PPP6R3: variants seen among roughly 807,000 people sequenced by gnomAD.
PPP6R3 encodes the protein serine/threonine-protein phosphatase 6 regulatory subunit 3.
A neutral mutation model predicts 110.7 loss-of-function variants in PPP6R3; 38 were observed. The observed-to-expected ratio is 0.34, with a 90% confidence interval of 0.26 to 0.45. The LOEUF is 0.45. Among genes scored for constraint, PPP6R3 ranks in the 20% least tolerant of loss-of-function variants. The pLI is 1.00. For missense variants in PPP6R3, 870 were observed against 1,062.4 expected, an observed-to-expected ratio of 0.82 and a Z score of 2.52; for synonymous variants, 369 against 373.5, an observed-to-expected ratio of 0.99 and a Z score of 0.14.
chr11:68,560,754 A>G (rs1388025316), intron 8 of PPP6R3, among the ~76,000 whole-genome samples: 2 of 152,134 alleles, frequency 1.3e-5, no homozygotes, highest in African/African-American at 4.8e-5. Flanking sequence ...GTTCCTCTGT[A>G]TCTGCTGAGG....
intron 14 of PPP6R3, among the ~76,000 whole-genome samples, chr11:68,581,895 A>T (rs113827215): frequency 0.01 from 1,571 of 152,360 alleles, 12 homozygotes; most frequent in African/African-American, 0.013. Context: ...ACACTGGGTT[A>T]TCACAGCTTA....
intron 8 of PPP6R3, among the ~76,000 whole-genome samples, chr11:68,563,535 A>C (rs1449012761): frequency 6.6e-6 from 1 of 152,212 alleles, no homozygotes; most frequent in Admixed American, 6.5e-5. Context: ...TGCAGGCCCT[A>C]CGTATTAGAA....
chr11:68,502,639 C>G (rs941585846), intron 1 of PPP6R3, among the ~76,000 whole-genome samples: 1 of 152,124 alleles, frequency 6.6e-6, no homozygotes, highest in African/African-American at 2.4e-5. Flanking sequence ...TAAGGCGGAA[C>G]TGACAATGTT....
chr11:68,483,079 C>T (rs1194654123), intron 1 of PPP6R3, among the ~76,000 whole-genome samples: 1 of 151,994 alleles, frequency 6.6e-6, no homozygotes, highest in East Asian at 1.9e-4. Flanking sequence ...TCTTAGAAGC[C>T]TTTAGAATTA....
At chr11:68,528,443 G>T (rs978664569) in intron 2 of PPP6R3, among the ~76,000 whole-genome samples, 10 of 136,850 alleles carry the variant, frequency 7.3e-5, no homozygotes, top group South Asian at 2.5e-4. Flanking sequence ...TGGGGGGGGG[G>T]GCTGCACCTT....
intron 1 of PPP6R3, among the ~76,000 whole-genome samples, chr11:68,469,585 C>T (rs897193403): frequency 6.6e-6 from 1 of 151,474 alleles, no homozygotes; most frequent in African/African-American, 2.4e-5. Context: ...TCCGATGTTG[C>T]CCAGGCTGGT....
chr11:68,609,883 C>A lies in PPP6R3; in HGVS notation c.2451-21C>A, dbSNP rs766304770. 6 of 1,613,566 alleles carry A rather than the reference C, an allele frequency of 3.7e-6. No individual in the cohort carries two copies. The East Asian group carries it at 1.3e-4, about 36-fold the overall frequency. On this transcript the variant is annotated intron_variant, in intron 22 of 23. Coordinates refer to ENST00000393800, the MANE Select transcript of PPP6R3 (RefSeq NM_001164161.2). ...CTGGTCCCTAGGGTGTTTGATGTGC[C>A]TGTCATCCTCTTTACTGCAGTGAGG...
chr11:68,552,233 C>A (rs572443202), intron 6 of PPP6R3, among the ~76,000 whole-genome samples: 1 of 152,152 alleles, frequency 6.6e-6, no homozygotes, highest in Non-Finnish European at 1.5e-5. Context: ...CAAAGTTTGT[C>A]CTGAAGCTGG....
chr11:68,603,595 C>G, intron 22 of PPP6R3, 103 bp downstream of exon 22: 1 of 1,361,196 alleles, frequency 7.3e-7, no homozygotes, highest in Non-Finnish European at 1.0e-6. Flanking sequence ...AATGAATGTT[C>G]AGATACTAGC....
chr11:68,570,178 T>C (rs1478220740), intron 11 of PPP6R3, among the ~76,000 whole-genome samples: 1 of 152,248 alleles, frequency 6.6e-6, no homozygotes, highest in East Asian at 1.9e-4. Flanking sequence ...CTTTGATGAT[T>C]TGAAGAATCA....
At chr11:68,491,479 G>A (rs1174872133) in intron 1 of PPP6R3, among the ~76,000 whole-genome samples, 2 of 151,806 alleles carry the variant, frequency 1.3e-5, no homozygotes, top group Admixed American at 6.6e-5. Context: ...GAGTAGCTAG[G>A]ACTACAGTCA....
intron 3 of PPP6R3, among the ~76,000 whole-genome samples, chr11:68,539,833 G>A (rs1033359419): frequency 3.3e-5 from 5 of 152,210 alleles, no homozygotes; most frequent in African/African-American, 1.2e-4. Context: ...GAAGGTGGTG[G>A]GGTGGGCAGA....
chr11:68,567,712 C>G (rs943349999), intron 10 of PPP6R3, among the ~76,000 whole-genome samples: 2 of 152,154 alleles, frequency 1.3e-5, no homozygotes, highest in Non-Finnish European at 2.9e-5. Flanking sequence ...ATAGGCCCAG[C>G]TCTGGAGCCC....
At chr11:68,532,026 G>A (rs1343077328) in intron 2 of PPP6R3, among the ~76,000 whole-genome samples, 2 of 152,216 alleles carry the variant, frequency 1.3e-5, no homozygotes, top group African/African-American at 4.8e-5. Context: ...AAATTTTACA[G>A]ATAGACTGAT....
At chr11:68,603,644 C>G (rs1163698257) in intron 22 of PPP6R3, 152 bp downstream of exon 22, 1 of 997,286 alleles carries the variant, frequency 1.0e-6, no homozygotes, top group African/African-American at 1.6e-5. Context: ...CACAATAAAT[C>G]TTAATGAAGA....
chr11:68,521,939 T>C (rs1483508150), intron 2 of PPP6R3, among the ~76,000 whole-genome samples: 1 of 152,190 alleles, frequency 6.6e-6, no homozygotes, highest in African/African-American at 2.4e-5. Context: ...GTACATGTAA[T>C]CTATTAATAT....
At chr11:68,543,853 A>G (rs2099331921) in intron 3 of PPP6R3, among the ~76,000 whole-genome samples, 1 of 152,120 alleles carries the variant, frequency 6.6e-6, no homozygotes, top group African/African-American at 2.4e-5. Context: ...TCATAGTAGG[A>G]GTAAGTGGAG....
chr11:68,593,445 A>C (rs1180046212), intron 18 of PPP6R3, among the ~76,000 whole-genome samples: 1 of 152,166 alleles, frequency 6.6e-6, no homozygotes, highest in Non-Finnish European at 1.5e-5. Flanking sequence ...CTATTCATGG[A>C]TGTTTTGGTT....
intron 2 of PPP6R3, among the ~76,000 whole-genome samples, chr11:68,535,967 GCAAAAAACAAA>G (rs1193669101): frequency 2.0e-5 from 3 of 151,728 alleles, no homozygotes; most frequent in African/African-American, 7.3e-5. Context: ...ACTCTGTCTC[GCAAAAAACAAA>G]CAAAAAACTC....
Sources: gnomAD v4.1 joint callset for allele counts (sites outside exome capture counted in the v4.1 genomes callset) on GRCh38, gnomAD v4.1.1 for gene constraint, MANE v1.5 for transcripts, NCBI Gene and HGNC (gene_info 2026-07-23, HGNC 2026-07-21) for gene names.